The following GALNT17 variants were observed in gnomAD, a reference collection of about 807,000 sequenced individuals.
The protein encoded by GALNT17 is UDP-GalNAc:polypeptide N-acetylgalactosaminyltransferase-like 3.
GALNT17 carries 29 observed loss-of-function variants against 63.7 expected under a neutral mutation model. The ratio of observed to expected loss-of-function variants is 0.46; its 90% CI spans 0.34 to 0.62. The LOEUF (loss-of-function observed/expected upper bound fraction) is 0.62. Ranked by LOEUF, GALNT17 falls within the 20% of genes least tolerant of loss-of-function variation. The pLI is 0.01. For synonymous variants in GALNT17, 305 were observed against 318.3 expected (o/e 0.96, Z 0.45); for missense variants, 603 against 799.6 (o/e 0.75, Z 2.97).
chr7:71,520,856 T>G (rs1042490778), intron 5 of GALNT17, among the ~76,000 whole-genome samples: 6 of 151,908 alleles, frequency 3.9e-5, no homozygotes, highest in African/African-American at 1.5e-4. Context: ...GAGGAGAGAC[T>G]AGGAGAGGAG....
At chr7:71,356,120 A>G (rs1792280252) in intron 2 of GALNT17, among the ~76,000 whole-genome samples, 1 of 151,804 alleles carries the variant, frequency 6.6e-6, no homozygotes, top group Admixed American at 6.6e-5. Flanking sequence ...GGAATTACAG[A>G]CGCCCACCAC....
intron 1 of GALNT17, among the ~76,000 whole-genome samples, chr7:71,170,482 C>A (rs1257317996): frequency 5.9e-5 from 9 of 151,976 alleles, no homozygotes; most frequent in Non-Finnish European, 1.3e-4. Context: ...ATTACAGGCA[C>A]ATGCGATCAC....
At chr7:71,400,371 G>T (rs1793219372) in intron 3 of GALNT17, among the ~76,000 whole-genome samples, 1 of 152,028 alleles carries the variant, frequency 6.6e-6, no homozygotes, top group African/African-American at 2.4e-5. Context: ...TGTATATCAA[G>T]AACTTTTTAT....
At chr7:71,632,455 G>C (rs900278806) in intron 6 of GALNT17, among the ~76,000 whole-genome samples, 6 of 152,214 alleles carry the variant, frequency 3.9e-5, no homozygotes, top group Non-Finnish European at 8.8e-5. Flanking sequence ...GTGCTCTGAT[G>C]GGGTGAGAGT....
At chr7:71,198,087 A>G (rs1789090558) in intron 1 of GALNT17, among the ~76,000 whole-genome samples, 1 of 151,294 alleles carries the variant, frequency 6.6e-6, no homozygotes, top group African/African-American at 2.4e-5. Flanking sequence ...AATCCCAGCT[A>G]CTCGGGAGGC....
intron 1 of GALNT17, among the ~76,000 whole-genome samples, chr7:71,193,441 G>T (rs1031272752): frequency 7.0e-6 from 1 of 142,756 alleles, no homozygotes; most frequent in Non-Finnish European, 1.5e-5. Flanking sequence ...ATTTTACACT[G>T]ATACGCTTTT....
intron 6 of GALNT17, among the ~76,000 whole-genome samples, chr7:71,656,988 G>C (rs1205581649): frequency 1.3e-5 from 2 of 152,106 alleles, no homozygotes; most frequent in Admixed American, 6.5e-5. Flanking sequence ...AGGGCACCCA[G>C]GGTTCTCAAT....
chr7:71,389,110 C>G (rs1371189262), intron 3 of GALNT17, among the ~76,000 whole-genome samples: 1 of 151,926 alleles, frequency 6.6e-6, no homozygotes, highest in African/African-American at 2.4e-5. Context: ...GTGAACTGCA[C>G]AAGCAAGTGA....
chr7:71,558,328 G>A (rs1237431939), intron 5 of GALNT17, among the ~76,000 whole-genome samples: 1 of 149,424 alleles, frequency 6.7e-6, no homozygotes, highest in Non-Finnish European at 1.5e-5. Context: ...TTTTTTTTTT[G>A]GTAATCTGGG....
chr7:71,171,507 C>CCAAAA (rs1346197448), intron 1 of GALNT17, among the ~76,000 whole-genome samples: 1 of 152,088 alleles, frequency 6.6e-6, no homozygotes, highest in Non-Finnish European at 1.5e-5. Flanking sequence ...TCTCCAAAAA[C>CCAAAA]CAAAACAAAA....
At chr7:71,145,564 A>G (rs939333071) in intron 1 of GALNT17, among the ~76,000 whole-genome samples, 2 of 152,238 alleles carry the variant, frequency 1.3e-5, no homozygotes, top group African/African-American at 4.8e-5. Context: ...GACAATTGGT[A>G]GCAAACAACC....
At chr7:71,171,392 T>G (rs1307927870) in intron 1 of GALNT17, among the ~76,000 whole-genome samples, 1 of 152,156 alleles carries the variant, frequency 6.6e-6, no homozygotes, top group Non-Finnish European at 1.5e-5. Context: ...TAGCTGTTAC[T>G]GGGGACGATG....
At chr7:71,220,810 C>T (rs897949559) in intron 1 of GALNT17, among the ~76,000 whole-genome samples, 2 of 152,108 alleles carry the variant, frequency 1.3e-5, no homozygotes, top group African/African-American at 4.8e-5. Flanking sequence ...CAGAATGAAA[C>T]CAACCCTGCT....
intron 6 of GALNT17, among the ~76,000 whole-genome samples, chr7:71,625,612 C>T (rs1158556177): frequency 2.6e-5 from 4 of 152,082 alleles, no homozygotes; most frequent in Admixed American, 6.5e-5. Flanking sequence ...GACTGGCCCT[C>T]GGGAACCCTG....
chr7:71,657,512 G>A (rs145750850), intron 6 of GALNT17, among the ~76,000 whole-genome samples: 1 of 152,122 alleles, frequency 6.6e-6, no homozygotes, highest in South Asian at 2.1e-4. Context: ...CAGGTGCCCA[G>A]GGGAGCAGGT....
intron 1 of GALNT17, among the ~76,000 whole-genome samples, chr7:71,292,877 C>G (rs936872891): frequency 1.3e-5 from 2 of 152,130 alleles, no homozygotes; most frequent in African/African-American, 4.8e-5. Context: ...TCCCCCCATC[C>G]TCTGGAAATT....
chr7:71,568,962 CAATT>C (rs760573144), intron 5 of GALNT17, among the ~76,000 whole-genome samples: 2 of 152,062 alleles, frequency 1.3e-5, no homozygotes, highest in Non-Finnish European at 2.9e-5. Context: ...CATGATTTAT[CAATT>C]GATTGATTGA....
intron 1 of GALNT17, among the ~76,000 whole-genome samples, chr7:71,272,494 T>A (rs1289230748): frequency 6.6e-6 from 1 of 152,146 alleles, no homozygotes; most frequent in African/African-American, 2.4e-5. Context: ...TGACACTTGG[T>A]ATTGTCAGGT....
chr7:71,311,588 C>T (rs1791415243), intron 1 of GALNT17, among the ~76,000 whole-genome samples: 1 of 152,082 alleles, frequency 6.6e-6, no homozygotes, highest in Non-Finnish European at 1.5e-5. Context: ...GTGGGGGATC[C>T]CAGTTCATGC....
Sources: allele counts gnomAD v4.1 joint callset (sites outside exome capture counted in the v4.1 genomes callset), GRCh38; gene constraint gnomAD v4.1.1; transcripts MANE v1.5; gene names NCBI Gene and HGNC (gene_info 2026-07-23, HGNC 2026-07-21).